Variants in IQCM observed in about 807,000 individuals in gnomAD.
The protein encoded by IQCM is IQ domain-containing protein M.
In IQCM, 45 loss-of-function variants were observed where a neutral mutation model predicts 57.6. The ratio of observed to expected loss-of-function variants is 0.78; its 90% CI spans 0.62 to 1.00. The LOEUF is 1.00. Among genes scored for constraint, IQCM ranks in the 50% least tolerant of loss-of-function variants. The probability of loss-of-function intolerance (pLI) is 0.00; values close to 1 mark genes in which losing one functional copy is unlikely to be tolerated. For synonymous variants in IQCM, 148 were observed against 158.9 expected, an observed-to-expected ratio of 0.93 and a Z score of 0.51; for missense variants, 468 against 511.6, an observed-to-expected ratio of 0.91 and a Z score of 0.82.
chr4:149,658,036 G>C (rs917252352), intron 7 of IQCM, among the ~76,000 whole-genome samples: 1 of 149,854 alleles, frequency 6.7e-6, no homozygotes, highest in Non-Finnish European at 1.5e-5. Context: ...ATCATATTTG[G>C]TTTTTTTTTG....
chr4:149,444,382 T>C (rs1418469460), intron 12 of IQCM, among the ~76,000 whole-genome samples: 1 of 151,918 alleles, frequency 6.6e-6, no homozygotes, highest in African/African-American at 2.4e-5. Flanking sequence ...GTTTGGGTGA[T>C]ATATTTCTAA....
At chr4:149,432,095 T>C (rs1378067079) in intron 13 of IQCM, among the ~76,000 whole-genome samples, 3 of 151,790 alleles carry the variant, frequency 2.0e-5, no homozygotes, top group African/African-American at 7.2e-5. Context: ...ATGGCTAGGC[T>C]TTATGATTAG....
chr4:149,587,916 T>C lies in IQCM; in HGVS notation c.749+14A>G, dbSNP rs1286625979. 5.1e-6 allele frequency: 6 copies of C among 1,169,698 alleles called. No individual in the cohort carries two copies. The East Asian group carries it at 9.6e-5, about 19-fold the overall frequency. 72.5% of individuals were successfully genotyped at this position (1,169,698 alleles called of 1,614,324 possible). On this transcript the variant is annotated intron_variant, in intron 9 of 13. Transcript: ENST00000636793. The stretch of plus-strand genomic sequence containing the variant: ...TGCATTAATTTACACTTTTCTATTA[T>C]ATAAAAGATATACCTGGGTTGTGAT...
chr4:149,578,445 A>G (rs1380822601), intron 9 of IQCM, among the ~76,000 whole-genome samples: 1 of 151,780 alleles, frequency 6.6e-6, no homozygotes, highest in African/African-American at 2.4e-5. Flanking sequence ...TTTCAGTGGC[A>G]CAGTGACCAG....
At chr4:149,360,900 T>C (rs957638243) in intron 13 of IQCM, among the ~76,000 whole-genome samples, 2 of 152,006 alleles carry the variant, frequency 1.3e-5, no homozygotes, top group African/African-American at 4.8e-5. Context: ...CACGCAGAAG[T>C]TGGAACAGTT....
chr4:149,794,878 G>A (rs941869498), intron 2 of IQCM, among the ~76,000 whole-genome samples: 4 of 151,866 alleles, frequency 2.6e-5, no homozygotes, highest in Non-Finnish European at 4.4e-5. Context: ...CCTACAAAGA[G>A]GCAGGAAACT....
At chr4:149,775,249 G>C (rs1770980017) in intron 2 of IQCM, among the ~76,000 whole-genome samples, 1 of 151,918 alleles carries the variant, frequency 6.6e-6, no homozygotes, top group Non-Finnish European at 1.5e-5. Flanking sequence ...GTGTCGGATT[G>C]AATGTTGTTT....
rs74343238 is a variant in IQCM at position 149,716,867 on chromosome 4, T to G, written c.385+16377A>C. The stretch of plus-strand genomic sequence containing the variant: ...TGGAAAGGAGAGAAGGGCTGGAAAT[T>G]GAGTTAATAATCAATCATGCCTACG... On this transcript the variant is annotated intron_variant, in intron 5 of 13. Coordinates refer to ENST00000636793, the MANE Select transcript of IQCM (RefSeq NM_001363507.2). Among the ~76,000 whole-genome samples the G allele has an allele frequency of 7.0e-4, 106 of 152,142 alleles. 1 individual carries two copies. The East Asian group carries it at 0.016, about 23-fold the overall frequency.
chr4:149,429,085 C>T (rs528141049), intron 13 of IQCM, among the ~76,000 whole-genome samples: 2 of 151,894 alleles, frequency 1.3e-5, no homozygotes, highest in Admixed American at 6.6e-5. Flanking sequence ...CAAGGTATCT[C>T]CATTAGAATT....
At chr4:149,454,810 G>A (rs1295406630) in intron 12 of IQCM, among the ~76,000 whole-genome samples, 1 of 151,950 alleles carries the variant, frequency 6.6e-6, no homozygotes, top group Non-Finnish European at 1.5e-5. Flanking sequence ...ATTCATAGAG[G>A]CAGAAAGTTG....
chr4:149,478,870 G>A (rs1341446535), intron 12 of IQCM, among the ~76,000 whole-genome samples: 3 of 152,026 alleles, frequency 2.0e-5, no homozygotes, highest in Admixed American at 6.6e-5. Context: ...ATATGTATAG[G>A]TTAATGATGA....
chr4:149,579,414 C>A (rs1751964960), intron 9 of IQCM, among the ~76,000 whole-genome samples: 1 of 151,834 alleles, frequency 6.6e-6, no homozygotes, highest in South Asian at 2.1e-4. Context: ...AGAGCCCAGC[C>A]AACAGTAACT....
chr4:149,595,683 G>A (rs1417439287), intron 8 of IQCM, among the ~76,000 whole-genome samples: 1 of 152,098 alleles, frequency 6.6e-6, no homozygotes, highest in Non-Finnish European at 1.5e-5. Flanking sequence ...TGCAGAATCA[G>A]GAGGTACCAA....
chr4:149,787,048 A>G (rs1287291333), intron 2 of IQCM, among the ~76,000 whole-genome samples: 1 of 152,188 alleles, frequency 6.6e-6, no homozygotes, highest in African/African-American at 2.4e-5. Flanking sequence ...TGAAGCTGGA[A>G]GCCATCATCC....
At chr4:149,493,631 G>A (rs1234245622) in intron 12 of IQCM, among the ~76,000 whole-genome samples, 1 of 152,062 alleles carries the variant, frequency 6.6e-6, no homozygotes, top group African/African-American at 2.4e-5. Flanking sequence ...AAGAGAAGGA[G>A]GGGGATTCTA....
intron 5 of IQCM, among the ~76,000 whole-genome samples, chr4:149,730,135 T>C (rs990895837): frequency 1.3e-5 from 2 of 152,184 alleles, no homozygotes; most frequent in African/African-American, 2.4e-5. Flanking sequence ...TAATTTGCTA[T>C]ACCTGGCTTC....
intron 8 of IQCM, among the ~76,000 whole-genome samples, chr4:149,612,383 T>G (rs115129718): frequency 0.011 from 1,633 of 152,292 alleles, 16 homozygotes; most frequent in Non-Finnish European, 0.017. Flanking sequence ...TGAGCTTCAT[T>G]TTATTTTTCC....
intron 3 of IQCM, among the ~76,000 whole-genome samples, chr4:149,736,493 C>T (rs150030550): frequency 3.9e-5 from 6 of 152,190 alleles, no homozygotes; most frequent in African/African-American, 1.4e-4. Flanking sequence ...AATATATTAC[C>T]TATTCAAAGT....
chr4:149,415,424 T>A (rs1047143077), intron 13 of IQCM, among the ~76,000 whole-genome samples: 1 of 152,180 alleles, frequency 6.6e-6, no homozygotes, highest in Non-Finnish European at 1.5e-5. Context: ...CTCGGTATTA[T>A]GGAAATGATC....
Sources: gnomAD v4.1 joint callset for allele counts (sites outside exome capture counted in the v4.1 genomes callset) on GRCh38, gnomAD v4.1.1 for gene constraint, MANE v1.5 for transcripts, NCBI Gene and HGNC (gene_info 2026-07-23, HGNC 2026-07-21) for gene names.